Variants in CREBBP observed in about 807,000 individuals in gnomAD.
The protein encoded by CREBBP is CREB-binding protein.
In CREBBP, 19 loss-of-function variants were observed where a neutral mutation model predicts 265.0. The observed-to-expected ratio is 0.07, with a 90% CI of 0.05 to 0.11. The LOEUF is 0.11. CREBBP is among the 10% of genes least tolerant of loss of function. The pLI is 1.00. For synonymous variants in CREBBP, 1,457 were observed against 1,223.7 expected (o/e 1.19, Z -3.98); for missense variants, 2,525 against 3,219.0 (o/e 0.78, Z 5.22).
At chr16:3,855,251 CGTAA>C (rs2054934717) in intron 1 of CREBBP, among the ~76,000 whole-genome samples, 1 of 152,132 alleles carries the variant, frequency 6.6e-6, no homozygotes, top group Non-Finnish European at 1.5e-5. Flanking sequence ...CTTTGTCTTT[CGTAA>C]GTGACATTTT....
Position 3,810,633 on chromosome 16 carries a change from C to T in CREBBP, c.945G>A (p.Lys315=), listed in dbSNP as rs774620978. The T allele has an allele frequency of 1.9e-6, 3 of 1,613,734 alleles. No individual in the cohort carries two copies. The highest frequency in any genetic ancestry group is 1.3e-5 in the African/African-American group (1 of 74,838). Residue 315 remains lysine, a synonymous_variant, in exon 3 of 31, where the codon AAG becomes AAA. Coordinates refer to ENST00000262367, the MANE Select transcript of CREBBP (RefSeq NM_004380.3). Reference sequence around the variant, plus strand: ...TTGGCACGTTGGTGACTGAAGTATTCTTGATATCTGTAGGGAAGGTGGGCA... The same window carrying T: ...TTGGCACGTTGGTGACTGAAGTATTTTTGATATCTGTAGGGAAGGTGGGCA... ...NSLPTFPTDI[K]NTSVTNVPNM... is the part of the protein sequence containing the mutation.
At chr16:3,760,650 C>T (rs778567386) in intron 16 of CREBBP, among the ~76,000 whole-genome samples, 2 of 151,948 alleles carry the variant, frequency 1.3e-5, no homozygotes, top group Non-Finnish European at 2.9e-5. Flanking sequence ...ATGATCTACC[C>T]GCCCTGGCCT....
chr16:3,864,344 A>G (rs1476831464), intron 1 of CREBBP, among the ~76,000 whole-genome samples: 2 of 152,194 alleles, frequency 1.3e-5, no homozygotes, highest in Non-Finnish European at 2.9e-5. Flanking sequence ...GAATGCCTTA[A>G]GTCCAAAAAG....
chr16:3,749,063 C>T (rs1341850652), intron 21 of CREBBP, among the ~76,000 whole-genome samples: 35 of 152,180 alleles, frequency 2.3e-4, no homozygotes, highest in Admixed American at 6.5e-5. Context: ...AGGAGAATGG[C>T]GTGAACCCGG....
intron 21 of CREBBP, among the ~76,000 whole-genome samples, chr16:3,747,790 G>A (rs867719113): frequency 6.6e-6 from 1 of 152,036 alleles, no homozygotes; most frequent in Non-Finnish European, 1.5e-5. Context: ...GTGAAACCTC[G>A]TCTCTACTAA....
At chr16:3,849,412 T>G (rs1437881693) in intron 2 of CREBBP, among the ~76,000 whole-genome samples, 1 of 5,572 alleles carries the variant, frequency 1.8e-4, no homozygotes, top group Admixed American at 3.5e-3. Context: ...TGTGTGTGTG[T>G]GTGTGTGTGT....
chr16:3,835,107 C>T (rs986725531), intron 2 of CREBBP, among the ~76,000 whole-genome samples: 3 of 151,984 alleles, frequency 2.0e-5, no homozygotes, highest in Non-Finnish European at 2.9e-5. Flanking sequence ...TGCAGTGAGC[C>T]GAGACCACGC....
intron 1 of CREBBP, among the ~76,000 whole-genome samples, chr16:3,873,545 G>C (rs1449695169): frequency 6.6e-6 from 1 of 152,178 alleles, no homozygotes; most frequent in Non-Finnish European, 1.5e-5. Flanking sequence ...GTAAGTCCTA[G>C]GACTTACAAG....
intron 28 of CREBBP, among the ~76,000 whole-genome samples, chr16:3,733,610 CTG>C (rs761837368): frequency 2.0e-5 from 3 of 152,148 alleles, no homozygotes; most frequent in East Asian, 3.8e-4. Context: ...TACTGGAACT[CTG>C]TGCTCAATTT....
intron 2 of CREBBP, among the ~76,000 whole-genome samples, chr16:3,844,854 C>A (rs2054633548): frequency 6.6e-6 from 1 of 152,120 alleles, no homozygotes; most frequent in Non-Finnish European, 1.5e-5. Flanking sequence ...ACAAAAACCA[C>A]GTAATACCTC....
Position 3,788,065 on chromosome 16 carries a change from C to T in CREBBP, c.1330+3916G>A, listed in dbSNP as rs374455448. Among the ~76,000 whole-genome samples the T allele has an allele frequency of 3.3e-5, 5 of 152,162 alleles. No individual in the cohort carries two copies. In the East Asian group the frequency reaches 7.7e-4, roughly 23 times the overall value. On this transcript the variant is annotated intron_variant, in intron 5 of 30. Coordinates refer to ENST00000262367, the MANE Select transcript of CREBBP (RefSeq NM_004380.3). ...GTGGGAGCTACACTCATGGAGATGC[C>T]GGGCAGCAGCTGGGGCCATGGCTGA...
chr16:3,867,960 A>G (rs1017107916), intron 1 of CREBBP, among the ~76,000 whole-genome samples: 5 of 152,084 alleles, frequency 3.3e-5, no homozygotes, highest in Admixed American at 6.6e-5. Flanking sequence ...AAAATAGAAC[A>G]AAGCCTGCAT....
In CREBBP at chr16:3,735,947, G is replaced by A. The variant is rs111488463; in HGVS notation, c.4728+89C>T. The stretch of plus-strand genomic sequence containing the variant: ...TGAACGGAGACACCACCACAGGAAG[G>A]ACCTAACAGTCGACACGCGCCTCCC... On this transcript the variant is annotated intron_variant, in intron 28 of 30. Coordinates refer to ENST00000262367, the MANE Select transcript of CREBBP (RefSeq NM_004380.3). 3.0e-4 allele frequency: 484 copies of A among 1,607,776 alleles called. 1 individual carries two copies. In the African/African-American group the frequency reaches 5.7e-3, roughly 19 times the overall value.
chr16:3,832,580 A>C (rs1000072034), intron 2 of CREBBP, among the ~76,000 whole-genome samples: 2 of 152,178 alleles, frequency 1.3e-5, no homozygotes, highest in Non-Finnish European at 2.9e-5. Context: ...CAGGCTACAA[A>C]CCTGTACAGC....
chr16:3,729,913 G>A (rs2051865847), intron 30 of CREBBP, 39 bp from the exon 31 acceptor site: 3 of 1,595,946 alleles, frequency 1.9e-6, no homozygotes, highest in Non-Finnish European at 2.5e-6. Flanking sequence ...TGTCAGCATG[G>A]GACCCAGTAC....
intron 18 of CREBBP, 80 bp from the exon 19 acceptor site, chr16:3,757,456 G>A (rs938982838): frequency 8.4e-7 from 1 of 1,183,610 alleles, no homozygotes; most frequent in African/African-American, 1.5e-5. Context: ...CTACTATAGA[G>A]ACTAGTAAAT....
Position 3,791,951 on chromosome 16 carries a change from C to G in CREBBP, c.1330+30G>C, listed in dbSNP as rs1362659887. On this transcript the variant is annotated intron_variant, in intron 5 of 30. Transcript: ENST00000262367. ...TTAGAAACAACTTCTATTCTCATCT[C>G]CAAGCTTCTCTGCCCCCGTGCTCAC... is the stretch of plus-strand genomic sequence containing the variant. The G allele has an allele frequency of 1.9e-6, 3 of 1,551,972 alleles. No homozygotes were observed. In the South Asian group the frequency reaches 3.3e-5, roughly 17 times the overall value.
At chr16:3,777,683 A>C in intron 10 of CREBBP, 26 bp from the exon 11 acceptor site, 1 of 1,612,702 alleles carries the variant, frequency 6.2e-7, no homozygotes, top group Non-Finnish European at 8.5e-7. Flanking sequence ...AAAAACAAAA[A>C]CAAAACCACC....
chr16:3,858,499 C>T (rs890946093), intron 1 of CREBBP, among the ~76,000 whole-genome samples: 3 of 152,154 alleles, frequency 2.0e-5, no homozygotes, highest in African/African-American at 4.8e-5. Flanking sequence ...TTATAACGTG[C>T]GTGGGGCTGT....
Sources: gnomAD v4.1 joint callset for allele counts (sites outside exome capture counted in the v4.1 genomes callset) on GRCh38, gnomAD v4.1.1 for gene constraint, MANE v1.5 for transcripts, NCBI Gene and HGNC (gene_info 2026-07-23, HGNC 2026-07-21) for gene names.